Variants in ABTB3 observed in about 807,000 individuals in gnomAD.
ABTB3 encodes the protein ankyrin repeat and BTB domain containing 3.
chr12:107,586,410 A>C, the ABTB3 span, among the ~76,000 whole-genome samples: 1 of 152,156 alleles, frequency 6.6e-6, no homozygotes. Flanking sequence ...TCACAGAGTC[A>C]GAAACTTCTC....
chr12:107,619,014 C>T, the ABTB3 span, among the ~76,000 whole-genome samples: 5 of 152,300 alleles, frequency 3.3e-5, no homozygotes, highest in Admixed American at 1.3e-4. Context: ...CCTTCACCAG[C>T]GTAGTGGCTT....
At chr12:107,630,043 TGGA>T in the ABTB3 span, among the ~76,000 whole-genome samples, 2 of 152,124 alleles carry the variant, frequency 1.3e-5, no homozygotes, top group East Asian at 3.9e-4. Context: ...CTCCACTGCC[TGGA>T]GGAGGAGCAC....
the ABTB3 span, chr12:107,609,944 G>A: frequency 1.2e-5 from 6 of 501,498 alleles, no homozygotes; most frequent in African/African-American, 3.9e-5. Context: ...TATTCAATAC[G>A]TATTAGTCGT....
chr12:107,555,999 T>G, the ABTB3 span, among the ~76,000 whole-genome samples: 3 of 152,162 alleles, frequency 2.0e-5, no homozygotes, highest in African/African-American at 7.2e-5. Flanking sequence ...ATCATCACCA[T>G]CTCATTTTGC....
the ABTB3 span, among the ~76,000 whole-genome samples, chr12:107,588,982 T>C: frequency 1.3e-5 from 2 of 152,194 alleles, no homozygotes; most frequent in Non-Finnish European, 2.9e-5. Flanking sequence ...GGAGCCTGAC[T>C]GCCTGGGTTC....
chr12:107,544,428 C>T, the ABTB3 span, among the ~76,000 whole-genome samples: 1 of 152,086 alleles, frequency 6.6e-6, no homozygotes, highest in Admixed American at 6.5e-5. Context: ...GGGTGGTGTC[C>T]TCATGAAGGC....
the ABTB3 span, among the ~76,000 whole-genome samples, chr12:107,616,639 G>T: frequency 1.3e-5 from 2 of 152,224 alleles, no homozygotes; most frequent in East Asian, 3.9e-4. Flanking sequence ...CAGAACTCTT[G>T]AGAGTCTGTG....
At chr12:107,643,305 G>A in the ABTB3 span, among the ~76,000 whole-genome samples, 1 of 151,102 alleles carries the variant, frequency 6.6e-6, no homozygotes, top group African/African-American at 2.4e-5. Flanking sequence ...TCAGGAGGCT[G>A]AGGCTGGAGG....
chr12:107,514,553 C>A, the ABTB3 span, among the ~76,000 whole-genome samples: 1 of 152,112 alleles, frequency 6.6e-6, no homozygotes, highest in Admixed American at 6.6e-5. Flanking sequence ...TGCCCTTGAC[C>A]CCAATAGTGG....
the ABTB3 span, among the ~76,000 whole-genome samples, chr12:107,369,935 C>T: frequency 6.6e-6 from 1 of 152,044 alleles, no homozygotes; most frequent in Non-Finnish European, 1.5e-5. Context: ...TTCCTGGCTC[C>T]ACCACTTACA....
the ABTB3 span, among the ~76,000 whole-genome samples, chr12:107,530,937 G>A: frequency 6.6e-6 from 1 of 152,184 alleles, no homozygotes; most frequent in South Asian, 2.1e-4. Context: ...CTTCAAGATG[G>A]ACTGAGAGCT....
chr12:107,656,170 G>T, the ABTB3 span, among the ~76,000 whole-genome samples: 3 of 150,674 alleles, frequency 2.0e-5, no homozygotes, highest in African/African-American at 7.3e-5. Context: ...ACATGGTGGC[G>T]CACACCTCTA....
the ABTB3 span, among the ~76,000 whole-genome samples, chr12:107,388,182 G>A: frequency 2.0e-5 from 3 of 151,866 alleles, no homozygotes; most frequent in African/African-American, 7.3e-5. Flanking sequence ...ATGTTGCCCA[G>A]GCTAGCCTCG....
the ABTB3 span, among the ~76,000 whole-genome samples, chr12:107,611,192 G>A: frequency 1.3e-5 from 2 of 151,968 alleles, no homozygotes; most frequent in Admixed American, 1.3e-4. Flanking sequence ...TTATATTAAA[G>A]TTACTTTGCA....
chr12:107,434,692 G>A, the ABTB3 span, among the ~76,000 whole-genome samples: 3 of 151,864 alleles, frequency 2.0e-5, no homozygotes, highest in East Asian at 1.9e-4. Context: ...GTGAGACCCC[G>A]TCTCTACAAA....
At chr12:107,615,235 C>T in the ABTB3 span, 5 of 1,182,802 alleles carry the variant, frequency 4.2e-6, no homozygotes, top group Non-Finnish European at 6.2e-6. Context: ...TATACCTCTC[C>T]CAGCATGCAT....
the ABTB3 span, among the ~76,000 whole-genome samples, chr12:107,541,778 G>C: frequency 6.6e-6 from 1 of 152,108 alleles, no homozygotes; most frequent in Non-Finnish European, 1.5e-5. Flanking sequence ...GGGGATGAGG[G>C]GGCATGAAGA....
chr12:107,483,305 AG>A, the ABTB3 span, among the ~76,000 whole-genome samples: 1 of 152,090 alleles, frequency 6.6e-6, no homozygotes, highest in Non-Finnish European at 1.5e-5. Context: ...AGCCTCCCAA[AG>A]TGCTGGGATT....
chr12:107,415,986 G>A, the ABTB3 span, among the ~76,000 whole-genome samples: 3 of 152,134 alleles, frequency 2.0e-5, no homozygotes, highest in African/African-American at 7.2e-5. Context: ...AAAAAAAAGT[G>A]ACTGGCATTT....
Sources: allele counts gnomAD v4.1 joint callset (sites outside exome capture counted in the v4.1 genomes callset), GRCh38; gene constraint gnomAD v4.1.1; transcripts MANE v1.5; gene names NCBI Gene and HGNC (gene_info 2026-07-23, HGNC 2026-07-21).